Variants in DOCK5 observed in about 807,000 individuals in gnomAD.
The protein encoded by DOCK5 is dedicator of cytokinesis protein 5.
A neutral mutation model predicts 251.8 loss-of-function variants in DOCK5; 142 were observed. The ratio of observed to expected loss-of-function variants is 0.56; its 90% CI spans 0.49 to 0.65. DOCK5 has a LOEUF of 0.65. Ranked by LOEUF, DOCK5 falls within the 30% of genes least tolerant of loss-of-function variation. The pLI, the probability that DOCK5 is intolerant of heterozygous loss-of-function variation, is 0.00. For missense variants in DOCK5, 2,111 were observed against 2,312.3 expected, an observed-to-expected ratio of 0.91 and a Z score of 1.79; for synonymous variants, 842 against 835.5, an observed-to-expected ratio of 1.01 and a Z score of -0.13.
intron 20 of DOCK5, 131 bp from the exon 21 acceptor site, chr8:25,333,965 G>C (rs1805741561): frequency 1.5e-6 from 1 of 685,390 alleles, no homozygotes; most frequent in East Asian, 2.6e-5. Flanking sequence ...ATCAGCTCTG[G>C]AATAGTAGAG....
intron 28 of DOCK5, among the ~76,000 whole-genome samples, chr8:25,360,668 A>G (rs1800661472): frequency 6.6e-6 from 1 of 152,214 alleles, no homozygotes; most frequent in African/African-American, 2.4e-5. Context: ...TGCATGGGAA[A>G]TGCCCAGCTT....
intron 1 of DOCK5, among the ~76,000 whole-genome samples, chr8:25,215,932 T>TATACACACACACAC (rs1389586266): frequency 7.1e-6 from 1 of 141,172 alleles, no homozygotes; most frequent in Admixed American, 7.2e-5. Flanking sequence ...TGGAAATAAA[T>TATACACACACACAC]ACACACACAC....
rs535191926 is a variant in DOCK5 at position 25,359,211 on chromosome 8, A to G, written c.2949+150A>G. ...TCCACAGTGATTACAGAAAGGAGAGAGCTGATTCCTACTTTCTCTCTTTGA... is the reference window on the plus strand; with the variant it reads ...TCCACAGTGATTACAGAAAGGAGAGGGCTGATTCCTACTTTCTCTCTTTGA... On this transcript the variant is annotated intron_variant, in intron 28 of 51. Coordinates refer to ENST00000276440, the MANE Select transcript of DOCK5 (RefSeq NM_024940.8). The G allele has an allele frequency of 3.5e-5, 24 of 679,894 alleles. No homozygotes were observed. The African/African-American group carries it at 4.3e-4, about 12-fold the overall frequency. The allele number at this position is 679,894 out of a possible 1,614,324, so 42.1% of individuals were successfully genotyped here. A position where few individuals can be genotyped will look rare whatever the true frequency, so the allele number is the denominator to read the frequency against.
chr8:25,192,804 G>A (rs535653717), intron 1 of DOCK5, among the ~76,000 whole-genome samples: 4 of 152,150 alleles, frequency 2.6e-5, no homozygotes, highest in South Asian at 4.1e-4. Flanking sequence ...CAGCTACCAC[G>A]CTCAGCCTAT....
At chr8:25,372,768 T>A in intron 35 of DOCK5, 50 bp downstream of exon 35, 2 of 1,559,788 alleles carry the variant, frequency 1.3e-6, no homozygotes, top group Non-Finnish European at 1.7e-6. Flanking sequence ...AGGCCGCCCC[T>A]GCACCCTACA....
At chr8:25,372,490 A>C in intron 34 of DOCK5, 69 bp from the exon 35 acceptor site, 1 of 1,454,226 alleles carries the variant, frequency 6.9e-7, no homozygotes, top group East Asian at 2.5e-5. Context: ...GACCCTGGTC[A>C]GTGCTGGTCA....
At chr8:25,360,454 A>C (rs1003017265) in intron 28 of DOCK5, among the ~76,000 whole-genome samples, 2 of 152,124 alleles carry the variant, frequency 1.3e-5, no homozygotes, top group Non-Finnish European at 2.9e-5. Flanking sequence ...AGGAAGCCCA[A>C]GGTTAGCCAT....
At chr8:25,293,474 T>C (rs764201344) in intron 6 of DOCK5, among the ~76,000 whole-genome samples, 4 of 152,188 alleles carry the variant, frequency 2.6e-5, no homozygotes, top group Non-Finnish European at 4.4e-5. Flanking sequence ...GTAGCTGTTA[T>C]TATTTACATC....
intron 21 of DOCK5, 43 bp from the exon 22 acceptor site, chr8:25,336,196 C>A (rs769989713): frequency 6.3e-7 from 1 of 1,591,346 alleles, no homozygotes; most frequent in Non-Finnish European, 8.6e-7. Flanking sequence ...CTCAGAGTAT[C>A]CTGTTGCTCA....
intron 1 of DOCK5, among the ~76,000 whole-genome samples, chr8:25,213,530 T>C (rs1802156392): frequency 6.6e-6 from 1 of 152,166 alleles, no homozygotes; most frequent in African/African-American, 2.4e-5. Flanking sequence ...TGTTTGTTTT[T>C]TTGTTTTCCT....
intron 18 of DOCK5, among the ~76,000 whole-genome samples, chr8:25,327,808 A>G (rs914168321): frequency 1.1e-4 from 16 of 152,162 alleles, no homozygotes; most frequent in Non-Finnish European, 1.9e-4. Flanking sequence ...AGTTCAAGAG[A>G]TCTGTTATAT....
chr8:25,245,833 C>A (rs1307962230), intron 2 of DOCK5, among the ~76,000 whole-genome samples: 1 of 152,128 alleles, frequency 6.6e-6, no homozygotes, highest in African/African-American at 2.4e-5. Context: ...AGCCACCATG[C>A]CTGGTGGCAA....
chr8:25,394,675 G>A (rs1235994833), intron 44 of DOCK5, among the ~76,000 whole-genome samples: 2 of 152,060 alleles, frequency 1.3e-5, no homozygotes, highest in African/African-American at 2.4e-5. Context: ...CCAAGGAAGT[G>A]TTGCCTAGGA....
At chr8:25,330,782 C>T (rs183045816) in intron 18 of DOCK5, among the ~76,000 whole-genome samples, 16 of 151,720 alleles carry the variant, frequency 1.1e-4, no homozygotes, top group Admixed American at 9.2e-4. Flanking sequence ...ATCAGCCGGG[C>T]GCAGTGGCTC....
At chr8:25,393,607 C>T (rs1284064960) in intron 44 of DOCK5, among the ~76,000 whole-genome samples, 2 of 152,188 alleles carry the variant, frequency 1.3e-5, no homozygotes, top group Non-Finnish European at 2.9e-5. Flanking sequence ...GGATCGTTTT[C>T]TCTGCCTGAA....
At position 25,296,522 on chromosome 8, in the gene DOCK5, G is replaced by A. The variant is rs1400755380; in HGVS notation, c.480G>A (p.Gly160=). 6.2e-7 allele frequency: 1 copy of A among 1,609,390 alleles called. No homozygotes were observed. Among genetic ancestry groups the A allele is most frequent in the Non-Finnish European group, 8.5e-7 (1 of 1,177,962 alleles). Residue 160 remains glycine, a synonymous_variant, in exon 7 of 52, where the codon GGG becomes GGA. Transcript: ENST00000276440. ...AKIDHGNRML[G]LDLVVRDDNG... ...ACTCCTTTCTCTCCAGAATGCTGGGGTTAGATCTGGTGGTGCGAGATGACA... is the reference window on the plus strand; with the variant it reads ...ACTCCTTTCTCTCCAGAATGCTGGGATTAGATCTGGTGGTGCGAGATGACA...
intron 5 of DOCK5, among the ~76,000 whole-genome samples, chr8:25,279,483 T>G (rs4872303): frequency 0.13 from 20,418 of 151,440 alleles, 1,512 homozygotes; most frequent in Admixed American, 0.25. Flanking sequence ...TTTTTTTTTT[T>G]TGAGACGGAG....
chr8:25,271,359 T>G (rs373694979), intron 3 of DOCK5: 2 of 152,322 alleles, frequency 1.3e-5, no homozygotes, highest in East Asian at 1.9e-4. Context: ...TAAGCCGAAA[T>G]ATCCTTCTTG....
chr8:25,337,838 G>A (rs997252901), intron 22 of DOCK5, among the ~76,000 whole-genome samples: 3 of 151,934 alleles, frequency 2.0e-5, no homozygotes. Context: ...CCCCGCCTCG[G>A]CCTCCGAAAG....
Sources: allele counts gnomAD v4.1 joint callset (sites outside exome capture counted in the v4.1 genomes callset), GRCh38; gene constraint gnomAD v4.1.1; transcripts MANE v1.5; gene names NCBI Gene and HGNC (gene_info 2026-07-23, HGNC 2026-07-21).